Variants in UBASH3B observed in about 807,000 individuals in gnomAD.
UBASH3B encodes the protein ubiquitin-associated and SH3 domain-containing protein B.
Under a neutral mutation model 83.4 loss-of-function variants are expected in UBASH3B, and 37 were observed. That is an observed-to-expected ratio of 0.44 (90% CI 0.34 to 0.58). The LOEUF (loss-of-function observed/expected upper bound fraction) is 0.58, where lower values mean the gene tolerates loss of function less well. Among genes scored for constraint, UBASH3B ranks in the 20% least tolerant of loss-of-function variants. UBASH3B has a pLI of 0.01. For missense variants in UBASH3B, 657 were observed against 827.2 expected (o/e 0.79, Z 2.52); for synonymous variants, 304 against 318.3 (o/e 0.96, Z 0.48).
rs1031789345 is a variant in UBASH3B at position 122,812,570 on chromosome 11, G to A, written c.*2684G>A. On this transcript the variant is annotated 3_prime_UTR_variant, in exon 14 of 14. Transcript: ENST00000284273. ...AGGAATTGACAGATAAGAAGCAAAT[G>A]GTTTCTTGTACAGAGGAATTTTGTT... The A allele has an allele frequency of 1.3e-5, 2 of 152,132 alleles. No homozygotes were observed. The highest frequency in any genetic ancestry group is 2.9e-5 in the Non-Finnish European group (2 of 68,018). The allele number at this position is 152,132 out of a possible 1,614,324, so 9.4% of individuals were successfully genotyped here.
chr11:122,747,999 G>C (rs1355960043), intron 1 of UBASH3B, among the ~76,000 whole-genome samples: 1 of 152,206 alleles, frequency 6.6e-6, no homozygotes, highest in African/African-American at 2.4e-5. Flanking sequence ...CACATGATAA[G>C]CTTGTAAGTA....
At chr11:122,744,672 TGTGA>T (rs1273252737) in intron 1 of UBASH3B, among the ~76,000 whole-genome samples, 12 of 148,610 alleles carry the variant, frequency 8.1e-5, no homozygotes, top group Non-Finnish European at 1.5e-4. Flanking sequence ...TGTGTGTCAC[TGTGA>T]GTGTGTGTTG....
chr11:122,783,401 T>A (rs933696856), intron 5 of UBASH3B, among the ~76,000 whole-genome samples, 179 bp downstream of exon 5: 6 of 152,020 alleles, frequency 3.9e-5, no homozygotes, highest in African/African-American at 1.4e-4. Context: ...GGCTTCCAGC[T>A]TGCCTCCCTC....
chr11:122,791,138 G>A (rs889808723), intron 6 of UBASH3B, among the ~76,000 whole-genome samples: 1 of 152,314 alleles, frequency 6.6e-6, no homozygotes, highest in African/African-American at 2.4e-5. Context: ...ATGATGTCAT[G>A]TCTCTGAGAA....
At chr11:122,803,934 G>T (rs551549976) in intron 11 of UBASH3B, among the ~76,000 whole-genome samples, 1 of 152,190 alleles carries the variant, frequency 6.6e-6, no homozygotes, top group South Asian at 2.1e-4. Context: ...GCTGACAAGG[G>T]TGAGGAAGCT....
chr11:122,746,450 G>T (rs1861120006), intron 1 of UBASH3B, among the ~76,000 whole-genome samples: 1 of 152,176 alleles, frequency 6.6e-6, no homozygotes, highest in Non-Finnish European at 1.5e-5. Flanking sequence ...GCCTCCGGGT[G>T]ATTAAGTTTG....
intron 1 of UBASH3B, among the ~76,000 whole-genome samples, chr11:122,766,145 T>C (rs1214628390): frequency 6.6e-6 from 1 of 152,072 alleles, no homozygotes; most frequent in Non-Finnish European, 1.5e-5. Flanking sequence ...CATCTCCAAG[T>C]GAAATGGAGG....
chr11:122,811,438 G>A lies in UBASH3B; in HGVS notation c.*1552G>A, dbSNP rs1227180232. On this transcript the variant is annotated 3_prime_UTR_variant, in exon 14 of 14. Coordinates refer to ENST00000284273, the MANE Select transcript of UBASH3B (RefSeq NM_032873.5). ...ACAACTTGATAACCCCTAGAAAGAA[G>A]AGGACATGAAAGGATGCTGGCTATA... 6.6e-6 allele frequency: 1 copy of A among 152,168 alleles called. No individual in the cohort carries two copies. Among genetic ancestry groups the A allele is most frequent in the Admixed American group, 6.5e-5 (1 of 15,274 alleles). 9.4% of individuals were successfully genotyped at this position (152,168 alleles called of 1,614,324 possible).
intron 5 of UBASH3B, 67 bp downstream of exon 5, chr11:122,783,289 G>A: frequency 1.3e-6 from 2 of 1,557,150 alleles, no homozygotes; most frequent in Non-Finnish European, 1.7e-6. Flanking sequence ...GCAGCTCGCT[G>A]CTGCAGGGAG....
chr11:122,768,466 A>AGGTATATGTGTG (rs745861229), intron 1 of UBASH3B, among the ~76,000 whole-genome samples: 6 of 128,978 alleles, frequency 4.7e-5, no homozygotes, highest in Non-Finnish European at 9.4e-5. Flanking sequence ...AGAGATATAT[A>AGGTATATGTGTG]TGTATGTGTG....
chr11:122,787,002 C>T (rs1204018187), intron 5 of UBASH3B, among the ~76,000 whole-genome samples: 3 of 151,902 alleles, frequency 2.0e-5, no homozygotes, highest in Non-Finnish European at 2.9e-5. Flanking sequence ...CCCCCCCCAC[C>T]GCCCCACATG....
At position 122,759,289 on chromosome 11, in the gene UBASH3B, C is replaced by T. The variant is rs1411255846; in HGVS notation, c.162-16930C>T. On this transcript the variant is annotated intron_variant, in intron 1 of 13. Transcript: ENST00000284273. This position sits in a 1 kb window ranked among gnomAD's most constrained non-coding sequence, Gnocchi z 4.1. Reference sequence around the variant, plus strand: ...CTGTCTTTTCATAGGCAGTCCACAACATGCTGCTTCTCCTTGGCCAGCAGG... The same window carrying T: ...CTGTCTTTTCATAGGCAGTCCACAATATGCTGCTTCTCCTTGGCCAGCAGG... Among the ~76,000 whole-genome samples the T allele has an allele frequency of 6.6e-6, 1 of 152,178 alleles. No individual in the cohort carries two copies. The highest frequency in any genetic ancestry group is 1.5e-5 in the Non-Finnish European group (1 of 68,038).
chr11:122,678,769 A>G (rs1863700761), intron 1 of UBASH3B, among the ~76,000 whole-genome samples: 1 of 152,234 alleles, frequency 6.6e-6, no homozygotes, highest in South Asian at 2.1e-4. Flanking sequence ...TCCATCAGTC[A>G]GGAGAATGAG....
At chr11:122,710,393 C>G (rs527534960) in intron 1 of UBASH3B, among the ~76,000 whole-genome samples, 1 of 152,264 alleles carries the variant, frequency 6.6e-6, no homozygotes, top group African/African-American at 2.4e-5. Flanking sequence ...ACAAGCCAGG[C>G]ATTGTGCTGC....
Position 122,718,929 on chromosome 11 carries a change from TG to T in UBASH3B, c.162-57287del, listed in dbSNP as rs141391107. On this transcript the variant is annotated intron_variant, in intron 1 of 13. Coordinates refer to ENST00000284273, the MANE Select transcript of UBASH3B (RefSeq NM_032873.5). ...CTACATGCCTGTAGTCCCAGAAACC[TG>T]GGAGGTTGAGGCAGGAGGACCACCA... is the stretch of plus-strand genomic sequence containing the variant. 5.3e-4 allele frequency among the ~76,000 whole-genome samples: 81 copies of T among 152,166 alleles called. 2 individuals carry two copies. In the East Asian group the frequency reaches 0.013, roughly 25 times the overall value.
At chr11:122,767,301 G>C (rs532510580) in intron 1 of UBASH3B, among the ~76,000 whole-genome samples, 1,793 of 23,846 alleles carry the variant, frequency 0.075, 24 homozygotes, top group Middle Eastern at 0.11. Flanking sequence ...GATAGTAAAG[G>C]TTTCTTTTTG....
At chr11:122,658,944 C>T (rs1591757442) in intron 1 of UBASH3B, among the ~76,000 whole-genome samples, 2 of 152,180 alleles carry the variant, frequency 1.3e-5, no homozygotes, top group Non-Finnish European at 2.9e-5. Flanking sequence ...TCAGCAGGGC[C>T]GTGCTCCCTC....
At chr11:122,704,019 T>G (rs544929531) in intron 1 of UBASH3B, among the ~76,000 whole-genome samples, 1 of 152,350 alleles carries the variant, frequency 6.6e-6, no homozygotes, top group Admixed American at 6.5e-5. Flanking sequence ...AATGACTCAC[T>G]TGGACTCGGA....
rs1407108438 is a variant in UBASH3B at position 122,720,605 on chromosome 11, C to T, written c.162-55614C>T. Reference sequence around the variant, plus strand: ...CTCTGAATCTGTTTCCTAGCATGTACCTCCTTGCCCATTCAGCTGAAGCCA... The same window carrying T: ...CTCTGAATCTGTTTCCTAGCATGTATCTCCTTGCCCATTCAGCTGAAGCCA... On this transcript the variant is annotated intron_variant, in intron 1 of 13. Transcript: ENST00000284273. Among the ~76,000 whole-genome samples the T allele has an allele frequency of 2.0e-5, 3 of 152,170 alleles. 1 individual carries two copies. The highest frequency in any genetic ancestry group is 4.4e-5 in the Non-Finnish European group (3 of 68,040).
Sources: gnomAD v4.1 joint callset for allele counts (sites outside exome capture counted in the v4.1 genomes callset) on GRCh38, gnomAD v4.1.1 for gene constraint, Gnocchi (gnomAD v3.1) non-coding constraint, MANE v1.5 for transcripts, NCBI Gene and HGNC (gene_info 2026-07-23, HGNC 2026-07-21) for gene names.